ACAD11: variants seen among roughly 807,000 people sequenced by gnomAD.
ACAD11 encodes the protein acyl-Coenzyme A dehydrogenase family, member 11.
A neutral mutation model predicts 102.2 loss-of-function variants in ACAD11; 83 were observed. The ratio of observed to expected loss-of-function variants is 0.81; its 90% confidence interval spans 0.68 to 0.97. The LOEUF (loss-of-function observed/expected upper bound fraction) is 0.97, where lower values mean the gene tolerates loss of function less well. Ranked by LOEUF, ACAD11 falls within the 50% of genes least tolerant of loss-of-function variation. The pLI, the probability that ACAD11 is intolerant of heterozygous loss-of-function variation, is 0.00. For missense variants in ACAD11, 901 were observed against 951.7 expected (o/e 0.95, Z 0.70); for synonymous variants, 324 against 319.8 (o/e 1.01, Z -0.14).
At chr3:132,587,347 G>A (rs11927882) in intron 13 of ACAD11, among the ~76,000 whole-genome samples, 57,224 of 151,812 alleles carry the variant, frequency 0.38, 13,594 homozygotes, top group East Asian at 0.7. Flanking sequence ...GGTAATTTCT[G>A]TTGTCTATCT....
chr3:132,559,217 AG>A, intron 19 of ACAD11, 132 bp from the exon 20 acceptor site: 1 of 696,064 alleles, frequency 1.4e-6, no homozygotes. Flanking sequence ...GGTAAGAAAA[AG>A]GGTACCAGGA....
intron 5 of ACAD11, among the ~76,000 whole-genome samples, chr3:132,631,794 T>C (rs1160065631): frequency 3.3e-5 from 5 of 152,218 alleles, no homozygotes; most frequent in Non-Finnish European, 7.3e-5. Flanking sequence ...AAAGGAATTA[T>C]AGTGAATTAC....
intron 17 of ACAD11, among the ~76,000 whole-genome samples, chr3:132,569,039 C>T (rs1045168440): frequency 7.9e-5 from 12 of 151,068 alleles, no homozygotes; most frequent in Admixed American, 3.3e-4. Context: ...GTTCTGTGAA[C>T]GACCCTGTTA....
Position 132,575,904 on chromosome 3 carries a change from A to C in ACAD11, c.1869T>G (p.Ile623Met), listed in dbSNP as rs1044263443. 2 of 1,614,008 alleles carry C rather than the reference A, an allele frequency of 1.2e-6. No individual in the cohort carries two copies. The highest frequency in any genetic ancestry group is 2.2e-5 in the South Asian group (2 of 91,068). Reference protein sequence around the residue: ...LILGEGRGFEISQGRLGPGRI... With the variant: ...LILGEGRGFEMSQGRLGPGRI... ...TGCCAGGTCCAAGGCGGCCTTGGGA[A>C]ATTTCAAATCCCCTACCTTCACCTG... Residue 623 changes from isoleucine (I) to methionine (M), a missense_variant, in exon 17 of 20, where the codon ATT (isoleucine) becomes ATG (methionine). Transcript: ENST00000264990.
intron 13 of ACAD11, among the ~76,000 whole-genome samples, chr3:132,595,070 C>T (rs528256471): frequency 6.6e-6 from 1 of 152,200 alleles, no homozygotes; most frequent in East Asian, 1.9e-4. Context: ...TGCATTAGAA[C>T]ATGTTAAGTG....
chr3:132,620,034 T>C (rs562949807), intron 9 of ACAD11, among the ~76,000 whole-genome samples: 1 of 152,228 alleles, frequency 6.6e-6, no homozygotes, highest in African/African-American at 2.4e-5. Flanking sequence ...ATGGGCCACA[T>C]AGGCAGGAGT....
chr3:132,655,192 C>T (rs1336098766), intron 1 of ACAD11, among the ~76,000 whole-genome samples: 1 of 152,220 alleles, frequency 6.6e-6, no homozygotes, highest in Admixed American at 6.5e-5. Context: ...TACACTCCCA[C>T]TCTGGTCTAT....
Position 132,626,777 on chromosome 3 carries a change from G to T in ACAD11, c.1111C>A (p.Gln371Lys). The T allele has an allele frequency of 6.2e-7, 1 of 1,613,728 alleles. No individual in the cohort carries two copies. The change falls in exon 9 of 20, where the codon CAG becomes AAG. Residue 371 changes from glutamine to lysine, a missense_variant. Coordinates refer to ENST00000264990, the MANE Select transcript of ACAD11 (RefSeq NM_032169.5). ...CCTTTCCGAGTCTGTACAAACAACTGTCCAGTAGTATCAATCTGTGGTAGT... is the reference window on the plus strand; with the variant it reads ...CCTTTCCGAGTCTGTACAAACAACTTTCCAGTAGTATCAATCTGTGGTAGT... The part of the protein sequence containing the change: ...TVLPQIDTTG[Q>K]LFVQTRKGQE...
At chr3:132,629,881 A>G (rs759131317) in intron 7 of ACAD11, among the ~76,000 whole-genome samples, 1 of 149,686 alleles carries the variant, frequency 6.7e-6, no homozygotes, top group East Asian at 2.4e-4. Context: ...TTAGATTACA[A>G]TGTAATTAGA....
At chr3:132,603,387 AGGATAT>A in intron 12 of ACAD11, 60 bp from the exon 13 acceptor site, 4 of 1,450,032 alleles carry the variant, frequency 2.8e-6, no homozygotes, top group Non-Finnish European at 3.9e-6. Context: ...GACTTAGATA[AGGATAT>A]GAAAACTTTA....
chr3:132,611,012 A>C (rs1939111878), intron 11 of ACAD11, among the ~76,000 whole-genome samples: 1 of 152,144 alleles, frequency 6.6e-6, no homozygotes, highest in East Asian at 1.9e-4. Flanking sequence ...GCACATCAAA[A>C]AGCTTATCCA....
At position 132,642,804 on chromosome 3, in the gene ACAD11, T is replaced by C. The variant is rs536778545; in HGVS notation, c.250-2A>G. 6.2e-7 allele frequency: 1 copy of C among 1,603,468 alleles called. No homozygotes were observed. The highest frequency in any genetic ancestry group is 1.8e-5 in the Admixed American group (1 of 56,628). ...CTGGACTTTAAATTCTCTATCAATCTAAATAGGATGATGAATCATTAAAAA... is the reference window on the plus strand; with the variant it reads ...CTGGACTTTAAATTCTCTATCAATCCAAATAGGATGATGAATCATTAAAAA... On this transcript the variant is annotated splice_acceptor_variant, in intron 2 of 19. Transcript: ENST00000264990. LOFTEE classifies it high-confidence loss of function.
At chr3:132,631,529 T>A in intron 5 of ACAD11, 50 bp from the exon 6 acceptor site, 1 of 1,291,766 alleles carries the variant, frequency 7.7e-7, no homozygotes, top group Non-Finnish European at 1.0e-6. Flanking sequence ...TTAAAACAAG[T>A]ATAATAAAGA....
In ACAD11 at chr3:132,642,132, C is replaced by A. The variant is rs760586343; in HGVS notation, c.377G>T (p.Gly126Val). The change falls in exon 4 of 20, where the codon GGT (glycine) becomes GTT (valine). Residue 126 changes from glycine to valine, a missense_variant and splice_region_variant. Physicochemically the swap from Gly to Val is moderately radical, Grantham distance 109 (BLOSUM62 -3). Coordinates refer to ENST00000264990, the MANE Select transcript of ACAD11 (RefSeq NM_032169.5). ...AATTGTTAAATCACGGAAGATTCGACCCTATGGAAGTGATTACAACAGATT... is the reference window on the plus strand; with the variant it reads ...AATTGTTAAATCACGGAAGATTCGAACCTATGGAAGTGATTACAACAGATT... ...TEFYVMEHVQGRIFRDLTIPG... is the reference protein window; with the variant it reads ...TEFYVMEHVQVRIFRDLTIPG... The A allele has an allele frequency of 6.2e-7, 1 of 1,613,056 alleles. No individual in the cohort carries two copies. Among genetic ancestry groups the A allele is most frequent in the Non-Finnish European group, 8.5e-7 (1 of 1,179,446 alleles).
intron 13 of ACAD11, among the ~76,000 whole-genome samples, chr3:132,584,791 C>T (rs371549369): frequency 2.6e-5 from 4 of 151,930 alleles, no homozygotes; most frequent in East Asian, 3.9e-4. Flanking sequence ...TTACAAGGGA[C>T]GTGAAGGACC....
intron 11 of ACAD11, among the ~76,000 whole-genome samples, chr3:132,608,061 C>T (rs1344518682): frequency 1.3e-5 from 2 of 152,132 alleles, no homozygotes; most frequent in African/African-American, 4.8e-5. Context: ...CCTTTACAGA[C>T]AAACAAATGC....
chr3:132,602,831 T>G (rs1337152899), intron 13 of ACAD11, among the ~76,000 whole-genome samples: 2 of 152,192 alleles, frequency 1.3e-5, no homozygotes, highest in African/African-American at 2.4e-5. Flanking sequence ...AGACAGAGTT[T>G]CGCTCTTGTT....
At chr3:132,561,845 C>T (rs1189077987) in intron 17 of ACAD11, among the ~76,000 whole-genome samples, 1 of 152,256 alleles carries the variant, frequency 6.6e-6, no homozygotes, top group Non-Finnish European at 1.5e-5. Flanking sequence ...TCACTCCTAA[C>T]TTCTGGCAAC....
Position 132,612,909 on chromosome 3 carries a change from A to G in ACAD11, c.1414+5725T>C, listed in dbSNP as rs553875804. Among the ~76,000 whole-genome samples the G allele has an allele frequency of 5.8e-4, 89 of 152,212 alleles. 2 individuals carry two copies. Among genetic ancestry groups the G allele is most frequent in the Admixed American group, 3.7e-3 (56 of 15,294 alleles). On this transcript the variant is annotated intron_variant, in intron 11 of 19. Coordinates refer to ENST00000264990, the MANE Select transcript of ACAD11 (RefSeq NM_032169.5). ...CCAAAGGATTATAAATCATGCTGCTATAAAGGCACATGCACACGTATGTTT... is the reference window on the plus strand; with the variant it reads ...CCAAAGGATTATAAATCATGCTGCTGTAAAGGCACATGCACACGTATGTTT...
Sources: gnomAD v4.1 joint callset for allele counts (sites outside exome capture counted in the v4.1 genomes callset) on GRCh38, gnomAD v4.1.1 for gene constraint, MANE v1.5 for transcripts, NCBI Gene and HGNC (gene_info 2026-07-23, HGNC 2026-07-21) for gene names.